The following GPR107 variants were observed in gnomAD, a reference collection of about 807,000 sequenced individuals.
GPR107 encodes the protein protein GPR107.
In GPR107, 31 loss-of-function variants were observed where a neutral mutation model predicts 75.5. The observed-to-expected ratio is 0.41, with a 90% confidence interval of 0.31 to 0.55. GPR107 has a LOEUF of 0.55. GPR107 is among the 20% of genes least tolerant of loss of function. The pLI, the probability that GPR107 is intolerant of heterozygous loss-of-function variation, is 0.26. For synonymous variants in GPR107, 267 were observed against 251.3 expected (o/e 1.06, Z -0.59); for missense variants, 572 against 665.7 (o/e 0.86, Z 1.55).
chr9:130,088,181 G>A (rs555835351), intron 7 of GPR107, among the ~76,000 whole-genome samples: 4 of 152,252 alleles, frequency 2.6e-5, no homozygotes, highest in African/African-American at 9.6e-5. Context: ...AGGCCCATGT[G>A]GTCTAGCCCC....
chr9:130,059,733 CTTTTTTTTTTT>C (rs61429853), intron 1 of GPR107, among the ~76,000 whole-genome samples: 129,638 of 144,772 alleles, frequency 0.9, 58,076 homozygotes, highest in East Asian at 0.97. Flanking sequence ...GTTAATACGT[CTTTTTTTTTTT>C]TTTTTTTTTT....
chr9:130,132,197 C>T lies in GPR107; in HGVS notation c.1563-2828C>T, dbSNP rs150375042. Among the ~76,000 whole-genome samples, 21 of 152,290 alleles carry T rather than the reference C, an allele frequency of 1.4e-4. 1 individual carries two copies. In the East Asian group the frequency reaches 2.9e-3, roughly 21 times the overall value. ...GCCCTGGGAATACAGGTGTGCCCAG[C>T]CCTTCCTGTCCATTCTCCCGGGCTC... On this transcript the variant is annotated intron_variant, in intron 17 of 17. Coordinates refer to ENST00000347136, the MANE Select transcript of GPR107 (RefSeq NM_020960.5).
At position 130,128,649 on chromosome 9, in the gene GPR107, G is replaced by A. The variant is rs556102515; in HGVS notation, c.1450G>A (p.Glu484Lys). Residue 484 changes from glutamate to lysine, a missense_variant, in exon 17 of 18, where the codon GAA becomes AAA. Physicochemically the swap from Glu to Lys is moderately conservative, Grantham distance 56. Transcript: ENST00000347136. Reference sequence around the variant, plus strand: ...GTTTTTAAACTTGCAGCTCCTGGATGAAACGGCCACACTGGTCTTCTTTGT... The same window carrying A: ...GTTTTTAAACTTGCAGCTCCTGGATAAAACGGCCACACTGGTCTTCTTTGT... The part of the protein sequence containing the change: ...QWKWLYQLLD[E>K]TATLVFFVLT... 6.2e-7 allele frequency: 1 copy of A among 1,611,966 alleles called. No individual in the cohort carries two copies. Among genetic ancestry groups the A allele is most frequent in the Non-Finnish European group, 8.5e-7 (1 of 1,178,036 alleles).
intron 14 of GPR107, among the ~76,000 whole-genome samples, chr9:130,111,171 A>G (rs2132626202): frequency 6.6e-6 from 1 of 152,122 alleles, no homozygotes; most frequent in East Asian, 2.0e-4. Flanking sequence ...CGGGCTTAAG[A>G]ATCTCACTTT....
At chr9:130,097,601 G>A (rs1005973082) in intron 9 of GPR107, among the ~76,000 whole-genome samples, 4 of 152,046 alleles carry the variant, frequency 2.6e-5, no homozygotes, top group Admixed American at 2.6e-4. Flanking sequence ...TCTGATAGGT[G>A]TAAAGTGGTA....
rs1480344040 is a variant in GPR107, at chr9:130,135,331, C to A, written c.*210C>A. On this transcript the variant is annotated 3_prime_UTR_variant, in exon 18 of 18. Coordinates refer to ENST00000347136, the MANE Select transcript of GPR107 (RefSeq NM_020960.5). ...GGCTGTTTAGAGGCAGCTGGATCCT[C>A]TTTCAGGCGGGAATGGGAGGGCGGG... The A allele has an allele frequency of 9.0e-6, 4 of 443,198 alleles. No individual in the cohort carries two copies. The highest frequency in any genetic ancestry group is 4.0e-5 in the Admixed American group (1 of 25,216). 27.5% of individuals were successfully genotyped at this position (443,198 alleles called of 1,614,324 possible).
At chr9:130,094,477 G>T (rs1830815570) in intron 9 of GPR107, among the ~76,000 whole-genome samples, 3 of 152,118 alleles carry the variant, frequency 2.0e-5, no homozygotes, top group Admixed American at 2.0e-4. Context: ...GGAGGCTGAG[G>T]TGGGAGGATT....
chr9:130,132,431 T>C (rs1399262212), intron 17 of GPR107, among the ~76,000 whole-genome samples: 3 of 152,170 alleles, frequency 2.0e-5, no homozygotes, highest in Non-Finnish European at 2.9e-5. Context: ...CCTGCCGTCC[T>C]GTGTCCACCC....
In GPR107 at chr9:130,135,055, G is replaced by C. The variant is rs1554899729; in HGVS notation, c.1593G>C (p.Met531Ile). Residue 531 changes from methionine (M) to isoleucine (I), a missense_variant, in exon 18 of 18, where the codon ATG becomes ATC. By Grantham distance (10) the Met-to-Ile change is conservative. Coordinates refer to ENST00000347136, the MANE Select transcript of GPR107 (RefSeq NM_020960.5). ...CAACATCTGGGGTGATGGAAAGTAT[G>C]AAGAAAGTCAAGAAGGTGACCAACG... Reference protein sequence around the residue: ...VVTTSGVMESMKKVKKVTNGS... With the variant: ...VVTTSGVMESIKKVKKVTNGS... 1 of 1,610,482 alleles carries C rather than the reference G, an allele frequency of 6.2e-7. No individual in the cohort carries two copies. The highest frequency in any genetic ancestry group is 1.1e-5 in the South Asian group (1 of 90,950).
At chr9:130,081,075 G>A (rs1031656793) in intron 5 of GPR107, among the ~76,000 whole-genome samples, 2 of 152,032 alleles carry the variant, frequency 1.3e-5, no homozygotes, top group Non-Finnish European at 2.9e-5. Flanking sequence ...TTAGCCATGC[G>A]TAGTGGCATG....
intron 1 of GPR107, among the ~76,000 whole-genome samples, chr9:130,070,106 C>T (rs892870391): frequency 6.7e-6 from 1 of 149,104 alleles, no homozygotes; most frequent in Non-Finnish European, 1.5e-5. Flanking sequence ...AAACTGTCCT[C>T]CCACCTCAGC....
intron 1 of GPR107, among the ~76,000 whole-genome samples, chr9:130,069,066 A>G (rs1015246264): frequency 6.6e-6 from 1 of 152,126 alleles, no homozygotes; most frequent in African/African-American, 2.4e-5. Flanking sequence ...ATTTGGTTGT[A>G]AAAAGTATGT....
chr9:130,115,274 A>G (rs1372900836), intron 14 of GPR107, among the ~76,000 whole-genome samples: 2 of 152,138 alleles, frequency 1.3e-5, no homozygotes, highest in African/African-American at 2.4e-5. Flanking sequence ...AATTTAAATC[A>G]TCTTATTACC....
intron 1 of GPR107, among the ~76,000 whole-genome samples, chr9:130,063,857 T>G (rs538329646): frequency 1.3e-4 from 19 of 150,348 alleles, no homozygotes; most frequent in Middle Eastern, 3.4e-3. Context: ...CAGGCTGGAA[T>G]GCAGTGGCAC....
At chr9:130,098,655 T>C (rs1486678431) in intron 9 of GPR107, among the ~76,000 whole-genome samples, 4 of 152,182 alleles carry the variant, frequency 2.6e-5, no homozygotes, top group Non-Finnish European at 5.9e-5. Context: ...CATTAAATTG[T>C]GTATTAGAGA....
rs564521232 is a variant in GPR107 at position 130,122,724 on chromosome 9, G to T, written c.1307-2191G>T. On this transcript the variant is annotated intron_variant, in intron 14 of 17. Transcript: ENST00000347136. The stretch of plus-strand genomic sequence containing the variant: ...GGGGCTTGGTGAGTTTGTATTGACT[G>T]AATAAAAAAGAGATGAGGCCAGACG... Among the ~76,000 whole-genome samples the T allele has an allele frequency of 4.6e-5, 7 of 152,242 alleles. No homozygotes were observed. The South Asian group carries it at 1.5e-3, about 32-fold the overall frequency.
At chr9:130,082,021 C>T (rs1673674383) in intron 5 of GPR107, among the ~76,000 whole-genome samples, 1 of 152,160 alleles carries the variant, frequency 6.6e-6, no homozygotes, top group African/African-American at 2.4e-5. Context: ...CAAGAAGGAG[C>T]AGGCAGGTCA....
chr9:130,108,100 G>T (rs1589518154), intron 14 of GPR107, among the ~76,000 whole-genome samples: 1 of 152,218 alleles, frequency 6.6e-6, no homozygotes, highest in Admixed American at 6.5e-5. Context: ...AAGCTGCAAA[G>T]AAAATGTTTT....
At chr9:130,079,791 G>A (rs746427159) in intron 5 of GPR107, 22 bp downstream of exon 5, 48 of 1,538,776 alleles carry the variant, frequency 3.1e-5, no homozygotes, top group Non-Finnish European at 3.9e-5. Context: ...GGTGGAAACT[G>A]GCTTTCAGTT....
Sources: gnomAD v4.1 joint callset for allele counts (sites outside exome capture counted in the v4.1 genomes callset) on GRCh38, gnomAD v4.1.1 for gene constraint, MANE v1.5 for transcripts, NCBI Gene and HGNC (gene_info 2026-07-23, HGNC 2026-07-21) for gene names.